PRR11: variants seen among roughly 807,000 people sequenced by gnomAD.
PRR11 encodes the protein proline-rich protein 11.
PRR11 carries 30 observed loss-of-function variants against 45.6 expected under a neutral mutation model. The observed-to-expected ratio is 0.66, with a 90% CI of 0.49 to 0.89. The LOEUF is 0.89. PRR11 is among the 40% of genes least tolerant of loss of function. PRR11 has a pLI of 0.00. For missense variants in PRR11, 373 were observed against 424.8 expected, an observed-to-expected ratio of 0.88 and a Z score of 1.07; for synonymous variants, 128 against 153.5, an observed-to-expected ratio of 0.83 and a Z score of 1.23.
chr17:59,204,503 A>ACCAGCCT lies in PRR11; in HGVS notation c.*2873_*2879dup, dbSNP rs1007170714. Reference sequence around the variant, plus strand: ...AAACACTTGAGGTCAGACGTTTGAGACCAGCCTGGCCAACATGGTGAAACC... The same window carrying ACCAGCCT: ...AAACACTTGAGGTCAGACGTTTGAGACCAGCCTCCAGCCTGGCCAACATGGTGAAACC... On this transcript the variant is annotated 3_prime_UTR_variant, in exon 10 of 10. Transcript: ENST00000262293. 2 of 151,590 alleles carry ACCAGCCT rather than the reference A, an allele frequency of 1.3e-5. No individual in the cohort carries two copies. The highest frequency in any genetic ancestry group is 4.9e-5 in the African/African-American group (2 of 41,110). 9.4% of individuals were successfully genotyped at this position (151,590 alleles called of 1,614,324 possible).
chr17:59,200,789 G>A (rs2046888783), intron 9 of PRR11, among the ~76,000 whole-genome samples: 2 of 152,010 alleles, frequency 1.3e-5, no homozygotes, highest in Non-Finnish European at 2.9e-5. Flanking sequence ...ACCGGGCCCA[G>A]CCTGTTTTTT....
chr17:59,179,661 T>G, intron 2 of PRR11: 1 of 1,494,072 alleles, frequency 6.7e-7, no homozygotes, highest in South Asian at 1.1e-5. Flanking sequence ...AGCAGCCTGT[T>G]GAAAGTCTCG....
At chr17:59,176,846 A>G (rs1599697545) in intron 2 of PRR11, among the ~76,000 whole-genome samples, 2 of 150,590 alleles carry the variant, frequency 1.3e-5, no homozygotes, top group Non-Finnish European at 3.0e-5. Flanking sequence ...ACAGGTGCAC[A>G]CCACCATGCC....
rs752206027 is a variant in PRR11 at position 59,169,736 on chromosome 17, A to G, written c.-5-12A>G. 4.5e-6 allele frequency: 7 copies of G among 1,568,422 alleles called. No homozygotes were observed. The highest frequency in any genetic ancestry group is 2.1e-5 in the Admixed American group (1 of 47,104). On this transcript the variant is annotated splice_polypyrimidine_tract_variant and intron_variant, in intron 1 of 9. Transcript: ENST00000262293. ...ATTCTTCAATTAAAAATGTAAAAAA[A>G]TTTCTCTGCAGAAATCATGCCCAAG...
intron 1 of PRR11, among the ~76,000 whole-genome samples, chr17:59,165,238 T>A (rs540342648): frequency 1.7e-4 from 26 of 151,908 alleles, no homozygotes; most frequent in African/African-American, 6.3e-4. Flanking sequence ...GCCAGGATGG[T>A]CTCGATCTCC....
chr17:59,190,155 G>A (rs1186751571), intron 4 of PRR11, among the ~76,000 whole-genome samples: 1 of 151,880 alleles, frequency 6.6e-6, no homozygotes. Flanking sequence ...TAATCTCAAT[G>A]TACCAGGGAG....
At chr17:59,187,239 A>T (rs1466160938) in intron 4 of PRR11, among the ~76,000 whole-genome samples, 1 of 152,038 alleles carries the variant, frequency 6.6e-6, no homozygotes, top group Non-Finnish European at 1.5e-5. Context: ...AAAATAAAAT[A>T]AAATAAATAA....
At chr17:59,193,811 T>C in intron 5 of PRR11, 77 bp downstream of exon 5, 1 of 1,496,176 alleles carries the variant, frequency 6.7e-7, no homozygotes, top group Non-Finnish European at 9.2e-7. Context: ...CCAAGTGGCC[T>C]TTTAAGGCCA....
At chr17:59,185,885 G>A (rs1011290112) in intron 4 of PRR11, among the ~76,000 whole-genome samples, 1 of 152,148 alleles carries the variant, frequency 6.6e-6, no homozygotes, top group Non-Finnish European at 1.5e-5. Flanking sequence ...GCTAAATCCT[G>A]ACTAAAGTTT....
At chr17:59,195,260 G>T in intron 6 of PRR11, 71 bp from the exon 7 acceptor site, 1 of 1,223,910 alleles carries the variant, frequency 8.2e-7, no homozygotes, top group Non-Finnish European at 1.2e-6. Context: ...GATATTTGCC[G>T]TTTTTGCATG....
chr17:59,156,586 AAC>A (rs1288468109), intron 1 of PRR11, among the ~76,000 whole-genome samples: 5 of 152,276 alleles, frequency 3.3e-5, no homozygotes, highest in Admixed American at 3.3e-4. Context: ...AATGAAATGC[AAC>A]AGTCATTTCC....
intron 1 of PRR11, among the ~76,000 whole-genome samples, chr17:59,166,657 T>C (rs891958848): frequency 3.3e-5 from 5 of 152,122 alleles, no homozygotes; most frequent in African/African-American, 7.2e-5. Flanking sequence ...GTGTATAGCA[T>C]CTTAGAAAGA....
In PRR11 at chr17:59,201,823, T is replaced by G; in HGVS notation, c.*192T>G. The G allele has an allele frequency of 3.7e-6, 2 of 539,110 alleles. No individual in the cohort carries two copies. The highest frequency in any genetic ancestry group is 2.1e-5 in the South Asian group (1 of 48,652). 33.4% of individuals were successfully genotyped at this position (539,110 alleles called of 1,614,324 possible). A position where few individuals can be genotyped will look rare whatever the true frequency, so the allele number is the denominator to read the frequency against. ...CCTTCCCCACTAAAAATACAGAAAT[T>G]AGCTGGGCATAGTGGCGGGTGCCTG... On this transcript the variant is annotated 3_prime_UTR_variant, in exon 10 of 10. Transcript: ENST00000262293.
At chr17:59,174,821 G>C (rs2046733886) in intron 2 of PRR11, among the ~76,000 whole-genome samples, 2 of 152,064 alleles carry the variant, frequency 1.3e-5, no homozygotes, top group Non-Finnish European at 2.9e-5. Context: ...CAGTGCTCTG[G>C]GTTATAAGCC....
intron 1 of PRR11, among the ~76,000 whole-genome samples, chr17:59,167,944 C>G (rs1735562019): frequency 6.6e-6 from 1 of 152,102 alleles, no homozygotes; most frequent in Admixed American, 6.6e-5. Flanking sequence ...CTAAGAATGT[C>G]TAACGTCCTG....
At chr17:59,181,562 G>C in intron 2 of PRR11, 1 of 1,259,036 alleles carries the variant, frequency 7.9e-7, no homozygotes. Flanking sequence ...AATGACACTA[G>C]CCGTTGCTTC....
intron 2 of PRR11, among the ~76,000 whole-genome samples, chr17:59,184,729 G>T (rs2046805062): frequency 6.6e-6 from 1 of 151,892 alleles, no homozygotes; most frequent in Non-Finnish European, 1.5e-5. Flanking sequence ...TATATTAGAA[G>T]ATCAATGTTC....
intron 4 of PRR11, among the ~76,000 whole-genome samples, chr17:59,191,849 C>A (rs2046841899): frequency 6.6e-6 from 1 of 152,232 alleles, no homozygotes; most frequent in East Asian, 1.9e-4. Context: ...GAATTCCATC[C>A]CTGCTCCCAG....
At position 59,201,981 on chromosome 17, in the gene PRR11, C is replaced by A. The variant is rs747161235; in HGVS notation, c.*350C>A. The A allele has an allele frequency of 1.0e-3, 228 of 227,714 alleles. No individual in the cohort carries two copies. Among genetic ancestry groups the A allele is most frequent in the African/African-American group, 3.9e-3 (175 of 44,642 alleles). The allele number at this position is 227,714 out of a possible 1,614,324, so 14.1% of individuals were successfully genotyped here. A position where few individuals can be genotyped will look rare whatever the true frequency, so the allele number is the denominator to read the frequency against. ...AGCAAAACAAAAACAAACAAACAAA[C>A]AAAAAAAACCCACCCAAATCCTTTT... On this transcript the variant is annotated 3_prime_UTR_variant, in exon 10 of 10. Transcript: ENST00000262293.
Sources: allele counts gnomAD v4.1 joint callset (sites outside exome capture counted in the v4.1 genomes callset), GRCh38; gene constraint gnomAD v4.1.1; transcripts MANE v1.5; gene names NCBI Gene and HGNC (gene_info 2026-07-23, HGNC 2026-07-21).